The following STOX2 variants were observed in gnomAD, a reference collection of about 807,000 sequenced individuals.
STOX2 encodes the protein storkhead-box protein 2.
A neutral mutation model predicts 60.9 loss-of-function variants in STOX2; 28 were observed. The ratio of observed to expected loss-of-function variants is 0.46; its 90% CI spans 0.34 to 0.63. The LOEUF (loss-of-function observed/expected upper bound fraction) is 0.63, where lower values mean the gene tolerates loss of function less well. STOX2 is among the 30% of genes least tolerant of loss of function. The pLI is 0.01. For synonymous variants in STOX2, 472 were observed against 463.9 expected (o/e 1.02, Z -0.22); for missense variants, 1,024 against 1,187.7 (o/e 0.86, Z 2.03).
intron 2 of STOX2, among the ~76,000 whole-genome samples, chr4:184,004,341 T>G (rs942284257): frequency 2.2e-4 from 34 of 152,220 alleles, no homozygotes; most frequent in Non-Finnish European, 3.8e-4. Flanking sequence ...GGCTCATGCC[T>G]GTAATCCCAG....
chr4:183,956,439 C>CATCTATCTATCTATCTATCT (rs35378121), intron 1 of STOX2, among the ~76,000 whole-genome samples: 6 of 145,880 alleles, frequency 4.1e-5, no homozygotes, highest in East Asian at 4.0e-4. Context: ...TTCTATCATT[C>CATCTATCTATCTATCTATCT]ATCTATCTAT....
At chr4:183,848,787 C>T (rs1267292192) in intron 1 of STOX2, among the ~76,000 whole-genome samples, 1 of 152,170 alleles carries the variant, frequency 6.6e-6, no homozygotes, top group Non-Finnish European at 1.5e-5. Flanking sequence ...TACAGACAGT[C>T]ATGTAATAGG....
intron 1 of STOX2, among the ~76,000 whole-genome samples, chr4:183,947,433 C>T (rs893864910): frequency 2.0e-5 from 3 of 152,132 alleles, no homozygotes; most frequent in African/African-American, 4.8e-5. Context: ...CTTTGCTTCT[C>T]AGGCAATACA....
At chr4:184,000,325 C>T (rs868721680) in intron 1 of STOX2, among the ~76,000 whole-genome samples, 3 of 152,144 alleles carry the variant, frequency 2.0e-5, no homozygotes, top group East Asian at 1.9e-4. Context: ...CAAGAGTCAC[C>T]GTCCATCACC....
intron 1 of STOX2, among the ~76,000 whole-genome samples, chr4:183,818,829 G>A (rs1271862616): frequency 4.6e-5 from 7 of 151,706 alleles, no homozygotes; most frequent in East Asian, 2.0e-4. Flanking sequence ...CCTCCCAGAC[G>A]GGGTCGCGAC....
chr4:183,959,058 C>T (rs909710278), intron 1 of STOX2, among the ~76,000 whole-genome samples: 6 of 151,980 alleles, frequency 3.9e-5, no homozygotes, highest in Admixed American at 6.6e-5. Context: ...GGCACGCCAG[C>T]TCTCTCAGCA....
Position 183,836,287 on chromosome 4 carries a change from G to A in STOX2, c.364+38232G>A, listed in dbSNP as rs1739706479. ...CTTTATCCTCTGAGGTTGCACCGCA[G>A]ATCCTCTTCTGCAAGTCAATGGGTA... is the stretch of plus-strand genomic sequence containing the variant. On this transcript the variant is annotated intron_variant, in intron 1 of 2. Coordinates refer to the STOX2 transcript ENST00000513034. The surrounding 1 kb of genome is among the most constrained non-coding windows in gnomAD (Gnocchi z 4.1). Among the ~76,000 whole-genome samples, 4 of 152,200 alleles carry A rather than the reference G, an allele frequency of 2.6e-5. No individual in the cohort carries two copies. Among genetic ancestry groups the A allele is most frequent in the South Asian group, 2.1e-4 (1 of 4,826 alleles).
intron 2 of STOX2, among the ~76,000 whole-genome samples, chr4:184,004,482 C>T (rs1484919170): frequency 9.2e-5 from 14 of 152,154 alleles, no homozygotes. Context: ...CGCCTGTAGT[C>T]CCAGCTACTC....
intron 1 of STOX2, among the ~76,000 whole-genome samples, chr4:183,951,282 T>C (rs1743082446): frequency 6.6e-6 from 1 of 151,508 alleles, no homozygotes; most frequent in African/African-American, 2.4e-5. Context: ...AGGATCACCT[T>C]GAGGCACTTT....
chr4:184,006,677 C>A (rs1157676396), intron 2 of STOX2, among the ~76,000 whole-genome samples: 8 of 107,014 alleles, frequency 7.5e-5, no homozygotes, highest in South Asian at 3.2e-4. Context: ...AAGGGTGAGA[C>A]CCTGTCTCAA....
intron 1 of STOX2, among the ~76,000 whole-genome samples, chr4:183,882,345 C>T (rs1560861706): frequency 6.6e-6 from 1 of 152,104 alleles, no homozygotes; most frequent in African/African-American, 2.4e-5. Context: ...GTGCTAGGTT[C>T]CCACTTTTTA....
chr4:184,011,332 A>G lies in STOX2; in HGVS notation c.2494A>G (p.Ser832Gly), dbSNP rs751922349. ...CCTTCTTGCTCCAAAAGAAACCGAC[A>G]GCAGCAGCAACCAGAGAGCCACCCA... ...LTLLAPKETDSSSNQRATHSA... is the reference protein window; with the variant it reads ...LTLLAPKETDGSSNQRATHSA... The change falls in exon 3 of 4, where the codon AGC becomes GGC. Residue 832 changes from serine to glycine, a missense_variant. This residue lies in a region of STOX2 where 922 missense variants were observed against 1,058.3 expected (regional missense o/e 0.87). Transcript: ENST00000308497. This position sits in a 1 kb window ranked among gnomAD's most constrained non-coding sequence, Gnocchi z 4.4. The G allele has an allele frequency of 1.2e-6, 2 of 1,614,024 alleles. No individual in the cohort carries two copies. The highest frequency in any genetic ancestry group is 1.7e-6 in the Non-Finnish European group (2 of 1,179,898).
chr4:184,007,055 T>C (rs1322381890), intron 2 of STOX2, among the ~76,000 whole-genome samples: 1 of 151,230 alleles, frequency 6.6e-6, no homozygotes, highest in East Asian at 1.9e-4. Context: ...AAAATTTTGT[T>C]ATTATTGGTC....
At chr4:183,876,946 G>A (rs977140033) in intron 1 of STOX2, among the ~76,000 whole-genome samples, 2 of 152,186 alleles carry the variant, frequency 1.3e-5, no homozygotes, top group African/African-American at 2.4e-5. Context: ...TGGCCGTGCC[G>A]TTCAGTCTTT....
intron 1 of STOX2, among the ~76,000 whole-genome samples, chr4:183,968,764 G>T (rs1284886428): frequency 6.6e-6 from 1 of 151,854 alleles, no homozygotes; most frequent in Non-Finnish European, 1.5e-5. Flanking sequence ...AGGGGGGCGG[G>T]GGGTGTTGGG....
chr4:184,021,801 T>G lies in STOX2; in HGVS notation c.*4517T>G, dbSNP rs1396872561. Reference sequence around the variant, plus strand: ...GAGGGAGCTGATCCAGTTCTAAGTGTCTTCTCGAATTAGGAGATAGATGAT... The same window carrying G: ...GAGGGAGCTGATCCAGTTCTAAGTGGCTTCTCGAATTAGGAGATAGATGAT... On this transcript the variant is annotated 3_prime_UTR_variant, in exon 4 of 4. Transcript: ENST00000308497. 6.6e-6 allele frequency: 1 copy of G among 152,242 alleles called. No individual in the cohort carries two copies. The highest frequency in any genetic ancestry group is 1.5e-5 in the Non-Finnish European group (1 of 68,066). 9.4% of individuals were successfully genotyped at this position (152,242 alleles called of 1,614,324 possible).
chr4:183,900,889 A>G (rs1176489238), upstream of STOX2, among the ~76,000 whole-genome samples: 1 of 152,166 alleles, frequency 6.6e-6, no homozygotes, highest in African/African-American at 2.4e-5. Context: ...TTGAGGTAAA[A>G]TACACATAAC....
At chr4:183,813,691 C>T (rs1247066175) in intron 1 of STOX2, among the ~76,000 whole-genome samples, 1 of 152,090 alleles carries the variant, frequency 6.6e-6, no homozygotes, top group Non-Finnish European at 1.5e-5. Context: ...TTTATATTTT[C>T]GAGCTCAGTT....
At chr4:183,877,384 G>A (rs1317711386) in intron 1 of STOX2, among the ~76,000 whole-genome samples, 1 of 152,218 alleles carries the variant, frequency 6.6e-6, no homozygotes, top group African/African-American at 2.4e-5. Flanking sequence ...ATGCTAAAAT[G>A]TTTTGGAGTA....
Sources: gnomAD v4.1 joint callset for allele counts (sites outside exome capture counted in the v4.1 genomes callset) on GRCh38, gnomAD v4.1.1 for gene constraint, gnomAD v4.1.1 regional missense constraint, Gnocchi (gnomAD v3.1) non-coding constraint, MANE v1.5 for transcripts, NCBI Gene and HGNC (gene_info 2026-07-23, HGNC 2026-07-21) for gene names.